Variants in CDH19 observed in about 807,000 individuals in gnomAD.
CDH19 encodes cadherin-19.
A neutral mutation model predicts 64.2 loss-of-function variants in CDH19; 67 were observed. The ratio of observed to expected loss-of-function variants is 1.04; its 90% CI spans 0.86 to 1.28. The LOEUF is 1.28. Among genes scored for constraint, CDH19 ranks in the 50% most tolerant of loss-of-function variants. The probability of loss-of-function intolerance (pLI) is 0.00; values close to 1 mark genes in which losing one functional copy is unlikely to be tolerated. For missense variants in CDH19, 1,030 were observed against 929.0 expected (o/e 1.11, Z -1.41); for synonymous variants, 346 against 319.3 (o/e 1.08, Z -0.89).
intron 1 of CDH19, among the ~76,000 whole-genome samples, chr18:66,591,677 T>C (rs1988750790): frequency 1.3e-5 from 2 of 152,008 alleles, no homozygotes; most frequent in South Asian, 2.1e-4. Flanking sequence ...TTGAAAATCA[T>C]TGATAATCTA....
chr18:66,535,032 A>G lies in CDH19; in HGVS notation c.1290T>C (p.Arg430=). The G allele has an allele frequency of 6.6e-7, 1 of 1,523,878 alleles. No individual in the cohort carries two copies. Among genetic ancestry groups the G allele is most frequent in the Non-Finnish European group, 8.9e-7 (1 of 1,120,692 alleles). 94.4% of individuals were successfully genotyped at this position (1,523,878 alleles called of 1,614,324 possible). ...TTAGGTTGTACCAAGCACTGATTTC[A>G]CGATCCAGTGAGTTACTTGTAGTGA... The part of the protein sequence containing the change: ...GTITTSNSLD[R]EISAWYNLSI... Residue 430 remains arginine (R), a synonymous_variant, in exon 8 of 12, where the codon CGT becomes CGC. Coordinates refer to ENST00000262150, the MANE Select transcript of CDH19 (RefSeq NM_021153.4).
At chr18:66,535,180 G>T in intron 7 of CDH19, 73 bp from the exon 8 acceptor site, 1 of 899,620 alleles carries the variant, frequency 1.1e-6, no homozygotes, top group African/African-American at 1.7e-5. Context: ...TACTCTTTAA[G>T]CAATAAGACA....
chr18:66,505,124 CTT>C lies in CDH19; in HGVS notation c.2005_2006del (p.Lys669AspfsTer8). 6.2e-7 allele frequency: 1 copy of C among 1,613,560 alleles called. No individual in the cohort carries two copies. Among genetic ancestry groups the C allele is most frequent in the South Asian group, 1.1e-5 (1 of 91,068 alleles). On this transcript the variant is annotated frameshift_variant, in exon 12 of 12. Coordinates refer to ENST00000262150, the MANE Select transcript of CDH19 (RefSeq NM_021153.4). LOFTEE classifies it low-confidence loss of function (END_TRUNC). Reference sequence around the variant, plus strand: ...TCTCAGCGCTTGTGGTTTTCCGAGTCTTGCGTTCCCGCATTATGGTACTACTC... The same window carrying C: ...TCTCAGCGCTTGTGGTTTTCCGAGTCGCGTTCCCGCATTATGGTACTACTC... ...LRSSTIMRER[K>X]TRKTTSAEIR...
At chr18:66,542,552 C>T (rs1986929775) in intron 7 of CDH19, among the ~76,000 whole-genome samples, 1 of 152,082 alleles carries the variant, frequency 6.6e-6, no homozygotes, top group African/African-American at 2.4e-5. Flanking sequence ...AAATAACAGA[C>T]TATTTTAATA....
intron 3 of CDH19, among the ~76,000 whole-genome samples, chr18:66,567,883 T>G (rs1370417297): frequency 6.6e-6 from 1 of 151,830 alleles, no homozygotes; most frequent in Non-Finnish European, 1.5e-5. Flanking sequence ...AAATGCATTA[T>G]ATTTAAAATA....
At chr18:66,598,904 G>A (rs1048277485) in intron 1 of CDH19, among the ~76,000 whole-genome samples, 1 of 151,922 alleles carries the variant, frequency 6.6e-6, no homozygotes, top group Non-Finnish European at 1.5e-5. Context: ...ACACTTCAAA[G>A]ACATGCTATA....
chr18:66,540,355 C>T (rs1270634590), intron 7 of CDH19, among the ~76,000 whole-genome samples: 1 of 152,026 alleles, frequency 6.6e-6, no homozygotes, highest in Non-Finnish European at 1.5e-5. Flanking sequence ...ACTTCAATAA[C>T]GTCCAAAAAG....
intron 1 of CDH19, among the ~76,000 whole-genome samples, chr18:66,589,782 T>C (rs1253686643): frequency 6.6e-6 from 1 of 151,974 alleles, no homozygotes; most frequent in Non-Finnish European, 1.5e-5. Flanking sequence ...TATGTATATA[T>C]ATGTTTGTGT....
chr18:66,562,797 C>T (rs1293972920), intron 3 of CDH19, among the ~76,000 whole-genome samples: 1 of 152,012 alleles, frequency 6.6e-6, no homozygotes, highest in African/African-American at 2.4e-5. Flanking sequence ...TTTAAAGGTG[C>T]TAACCTGTAT....
intron 7 of CDH19, among the ~76,000 whole-genome samples, chr18:66,535,425 C>T (rs771274215): frequency 6.6e-5 from 10 of 151,246 alleles, no homozygotes; most frequent in Admixed American, 1.3e-4. Flanking sequence ...TTTCCTATGT[C>T]ACAGGTGTTG....
At chr18:66,514,164 A>T (rs2144357274) in intron 9 of CDH19, among the ~76,000 whole-genome samples, 1 of 151,622 alleles carries the variant, frequency 6.6e-6, no homozygotes, top group Admixed American at 6.6e-5. Flanking sequence ...GGCCAGAATT[A>T]GAATGTAAGC....
At chr18:66,550,255 T>C (rs1353177471) in intron 5 of CDH19, among the ~76,000 whole-genome samples, 3 of 152,174 alleles carry the variant, frequency 2.0e-5, no homozygotes, top group Non-Finnish European at 4.4e-5. Context: ...TAAGAAAATT[T>C]TACGAAGCAT....
Position 66,505,222 on chromosome 18 carries a change from T to A in CDH19, c.1909A>T (p.Asn637Tyr), listed in dbSNP as rs747654871. The change falls in exon 12 of 12, where the codon AAT becomes TAT. Residue 637 changes from asparagine to tyrosine, a missense_variant. By Grantham distance (143) the Asn-to-Tyr change is moderately radical (BLOSUM62 -2). Transcript: ENST00000262150. ...CCTTCATCATCATATTGGAATATAT[T>A]CTCTCTGAAATCTTCACTTTTCTCA... ...FPEKSEDFRE[N>Y]IFQYDDEGGG... 6.2e-7 allele frequency: 1 copy of A among 1,608,850 alleles called. No homozygotes were observed. The highest frequency in any genetic ancestry group is 1.7e-5 in the Admixed American group (1 of 58,638).
At chr18:66,560,390 C>G (rs1445609808) in intron 3 of CDH19, among the ~76,000 whole-genome samples, 4 of 151,984 alleles carry the variant, frequency 2.6e-5, no homozygotes, top group Non-Finnish European at 4.4e-5. Flanking sequence ...CTATCTAACA[C>G]CAATTTTGTG....
chr18:66,546,857 T>C (rs1366039399), intron 5 of CDH19, among the ~76,000 whole-genome samples: 1 of 152,114 alleles, frequency 6.6e-6, no homozygotes, highest in African/African-American at 2.4e-5. Flanking sequence ...GATAATTGCC[T>C]GGTGTTGGTT....
rs558127843 is a variant in CDH19, at chr18:66,580,783, A to C, written c.-112-8467T>G. Among the ~76,000 whole-genome samples, 43 of 152,254 alleles carry C rather than the reference A, an allele frequency of 2.8e-4. No individual in the cohort carries two copies. In the East Asian group the frequency reaches 8.3e-3, roughly 29 times the overall value. On this transcript the variant is annotated intron_variant, in intron 1 of 11. Transcript: ENST00000262150. ...ACTCTTAGATAAAACATTCAAGAAA[A>C]ATGAATGGTAGCAGTAGGTATATCT... is the stretch of plus-strand genomic sequence containing the variant.
In CDH19 at chr18:66,503,239, T is replaced by A; in HGVS notation, c.*1573A>T. The stretch of plus-strand genomic sequence containing the variant: ...CGATTAAAATTAAAGTGTTTTATTA[T>A]CTTGTTATCTAATGTTACTGTAAAG... On this transcript the variant is annotated 3_prime_UTR_variant, in exon 12 of 12. Transcript: ENST00000262150. 6.6e-6 allele frequency: 1 copy of A among 151,858 alleles called. No individual in the cohort carries two copies. The highest frequency in any genetic ancestry group is 1.9e-4 in the East Asian group (1 of 5,176). The allele number at this position is 151,858 out of a possible 1,614,324, so 9.4% of individuals were successfully genotyped here. A position where few individuals can be genotyped will look rare whatever the true frequency, so the allele number is the denominator to read the frequency against.
intron 1 of CDH19, among the ~76,000 whole-genome samples, chr18:66,598,589 A>T (rs1988962597): frequency 1.3e-5 from 2 of 152,148 alleles, no homozygotes; most frequent in South Asian, 4.1e-4. Context: ...AGAACAGAAA[A>T]TCAAATACTG....
At chr18:66,524,550 A>G (rs974471451) in intron 9 of CDH19, among the ~76,000 whole-genome samples, 55 of 131,170 alleles carry the variant, frequency 4.2e-4, no homozygotes, top group African/African-American at 1.3e-3. Context: ...GTGTATATAT[A>G]TATATATATA....
Sources: gnomAD v4.1 joint callset for allele counts (sites outside exome capture counted in the v4.1 genomes callset) on GRCh38, gnomAD v4.1.1 for gene constraint, MANE v1.5 for transcripts, NCBI Gene and HGNC (gene_info 2026-07-23, HGNC 2026-07-21) for gene names.